Variants in SPHKAP observed in about 807,000 individuals in gnomAD.
The protein encoded by SPHKAP is SPHK1 interactor, AKAP domain containing.
In SPHKAP, 67 loss-of-function variants were observed where a neutral mutation model predicts 137.5. The observed-to-expected ratio is 0.49, with a 90% CI of 0.40 to 0.60. SPHKAP has a LOEUF of 0.60. Ranked by LOEUF, SPHKAP falls within the 20% of genes least tolerant of loss-of-function variation. SPHKAP has a pLI of 0.00. For synonymous variants in SPHKAP, 813 were observed against 785.3 expected (o/e 1.04, Z -0.59); for missense variants, 2,097 against 2,069.3 (o/e 1.01, Z -0.26).
At chr2:228,029,373 A>T (rs1178973357) in intron 3 of SPHKAP, among the ~76,000 whole-genome samples, 1 of 152,184 alleles carries the variant, frequency 6.6e-6, no homozygotes, top group Non-Finnish European at 1.5e-5. Context: ...AATAATGGAA[A>T]GGTTTTGAGA....
chr2:228,022,243 G>A (rs1694867949), intron 5 of SPHKAP: 1 of 964,730 alleles, frequency 1.0e-6, no homozygotes, highest in African/African-American at 1.8e-5. Context: ...ATTCAACTGG[G>A]TAAAGTTAAA....
chr2:228,137,030 G>A (rs1436301430), intron 1 of SPHKAP, among the ~76,000 whole-genome samples: 3 of 151,916 alleles, frequency 2.0e-5, no homozygotes, highest in Non-Finnish European at 4.4e-5. Flanking sequence ...CACCTCCAGT[G>A]CCCCATGCAC....
intron 1 of SPHKAP, among the ~76,000 whole-genome samples, chr2:228,176,356 A>G (rs946592376): frequency 6.6e-6 from 1 of 152,240 alleles, no homozygotes; most frequent in Non-Finnish European, 1.5e-5. Context: ...ATTTATCTGT[A>G]TCATACCCAA....
chr2:228,109,235 T>A lies in SPHKAP; in HGVS notation c.139-296A>T, dbSNP rs546945214. 101 of 358,778 alleles carry A rather than the reference T, an allele frequency of 2.8e-4. 2 individuals are homozygous for A. In the South Asian group the frequency reaches 0.011, roughly 38 times the overall value. The allele number at this position is 358,778 out of a possible 1,614,324, so 22.2% of individuals were successfully genotyped here. The stretch of plus-strand genomic sequence containing the variant: ...TTTGCATAATTTGCAATCAAATGAT[T>A]GTTTTGGGGGTATGGCTATGTGGGC... On this transcript the variant is annotated intron_variant, in intron 2 of 11. Coordinates refer to ENST00000392056, the MANE Select transcript of SPHKAP (RefSeq NM_001142644.2).
At chr2:228,067,661 G>A (rs1303886920) in intron 3 of SPHKAP, among the ~76,000 whole-genome samples, 2 of 152,220 alleles carry the variant, frequency 1.3e-5, no homozygotes, top group Non-Finnish European at 2.9e-5. Flanking sequence ...TATTGAGCAG[G>A]TACAGGTAAG....
chr2:228,099,854 T>G (rs1053911130), intron 3 of SPHKAP, among the ~76,000 whole-genome samples: 12 of 99,910 alleles, frequency 1.2e-4, no homozygotes, highest in Non-Finnish European at 2.4e-4. Context: ...GATTTTTTTT[T>G]GTTTGTTTTT....
chr2:228,132,026 C>T lies in SPHKAP; in HGVS notation c.92G>A (p.Gly31Asp), dbSNP rs770428112. The T allele has an allele frequency of 1.4e-5, 22 of 1,613,976 alleles. No homozygotes were observed. Among genetic ancestry groups the T allele is most frequent in the South Asian group, 3.3e-5 (3 of 91,084 alleles). The change falls in exon 2 of 12, where the codon GGC (glycine) becomes GAC (aspartate). Residue 31 changes from glycine (G) to aspartate (D), a missense_variant. Transcript: ENST00000392056. ...GTTCCCCGGGCCGCTTCCTGAGCTG[C>T]CACAGCCTCTGCCCTGCTGCGGTTC... is the stretch of plus-strand genomic sequence containing the variant. ...VLEPQQGRGC[G>D]SSGSGPGNSI...
chr2:228,143,211 A>G (rs114707956), intron 1 of SPHKAP, among the ~76,000 whole-genome samples: 2,139 of 152,258 alleles, frequency 0.014, 18 homozygotes, highest in Middle Eastern at 0.027. Flanking sequence ...GCAAAATATT[A>G]CACTATGTAA....
intron 2 of SPHKAP, among the ~76,000 whole-genome samples, chr2:228,120,625 T>C (rs1041603262): frequency 6.6e-6 from 1 of 152,184 alleles, no homozygotes; most frequent in Non-Finnish European, 1.5e-5. Context: ...GAAGCTACAC[T>C]GTATCTTAAT....
intron 7 of SPHKAP, among the ~76,000 whole-genome samples, chr2:228,002,017 C>G (rs1420203754): frequency 2.0e-5 from 3 of 152,124 alleles, no homozygotes; most frequent in Non-Finnish European, 4.4e-5. Context: ...GTGAGTAGTG[C>G]CACAATAAAC....
At position 228,164,931 on chromosome 2, in the gene SPHKAP, C is replaced by T. The variant is rs77242170; in HGVS notation, c.32+16636G>A. 4.4e-3 allele frequency among the ~76,000 whole-genome samples: 670 copies of T among 152,238 alleles called. 5 individuals are homozygous for T. The highest frequency in any genetic ancestry group is 5.6e-3 in the Admixed American group (85 of 15,292). ...GCACACATGTCAATTTGCTATATGT[C>T]CACTGATGTCATTGTCTTTCTCTCC... is the stretch of plus-strand genomic sequence containing the variant. On this transcript the variant is annotated intron_variant, in intron 1 of 11. Coordinates refer to ENST00000392056, the MANE Select transcript of SPHKAP (RefSeq NM_001142644.2).
chr2:228,178,647 A>T (rs1209130008), intron 1 of SPHKAP, among the ~76,000 whole-genome samples: 4 of 152,158 alleles, frequency 2.6e-5, no homozygotes. Flanking sequence ...ATTAAAAAAA[A>T]ATCCCTCTTA....
At chr2:228,080,801 T>C (rs1559162827) in intron 3 of SPHKAP, among the ~76,000 whole-genome samples, 1 of 151,492 alleles carries the variant, frequency 6.6e-6, no homozygotes, top group African/African-American at 2.4e-5. Flanking sequence ...ACCACAATGA[T>C]GTATCATCTC....
At chr2:228,059,767 G>C (rs1696574520) in intron 3 of SPHKAP, among the ~76,000 whole-genome samples, 1 of 152,212 alleles carries the variant, frequency 6.6e-6, no homozygotes, top group Non-Finnish European at 1.5e-5. Context: ...TCTGCTCAGT[G>C]TTACAGGGAG....
At chr2:228,020,215 T>TTAAG in intron 6 of SPHKAP, 59 bp from the exon 7 acceptor site, 1 of 1,518,006 alleles carries the variant, frequency 6.6e-7, no homozygotes, top group Non-Finnish European at 8.8e-7. Flanking sequence ...ACCATAAGTC[T>TTAAG]TAAGTAATAA....
intron 1 of SPHKAP, among the ~76,000 whole-genome samples, chr2:228,134,946 C>T (rs2106379289): frequency 6.6e-6 from 1 of 152,244 alleles, no homozygotes; most frequent in Non-Finnish European, 1.5e-5. Flanking sequence ...ACACAGACCT[C>T]AGGCCGCTCC....
At chr2:228,009,936 C>T (rs1451829315) in intron 7 of SPHKAP, among the ~76,000 whole-genome samples, 10 of 152,144 alleles carry the variant, frequency 6.6e-5, no homozygotes, top group African/African-American at 2.2e-4. Context: ...AATTCTCTAG[C>T]GTCATGGGGC....
intron 3 of SPHKAP, among the ~76,000 whole-genome samples, chr2:228,046,303 T>TTTTG (rs1696053506): frequency 6.7e-6 from 1 of 148,890 alleles, no homozygotes; most frequent in Admixed American, 6.7e-5. Flanking sequence ...TTTTTTTTTT[T>TTTTG]TTTTTTTTTG....
chr2:228,111,478 G>T (rs1264661129), intron 2 of SPHKAP, among the ~76,000 whole-genome samples: 2 of 152,116 alleles, frequency 1.3e-5, no homozygotes, highest in Non-Finnish European at 2.9e-5. Flanking sequence ...CCTTCTGTCT[G>T]AAATGACAGG....
Sources: gnomAD v4.1 joint callset for allele counts (sites outside exome capture counted in the v4.1 genomes callset) on GRCh38, gnomAD v4.1.1 for gene constraint, MANE v1.5 for transcripts, NCBI Gene and HGNC (gene_info 2026-07-23, HGNC 2026-07-21) for gene names.